Variants in ATP6V0D2 observed in about 807,000 individuals in gnomAD.
ATP6V0D2 encodes the protein ATPase H+ transporting V0 subunit d2.
Under a neutral mutation model 40.0 loss-of-function variants are expected in ATP6V0D2, and 40 were observed. The observed-to-expected ratio is 1.00, with a 90% CI of 0.78 to 1.30. ATP6V0D2 has a LOEUF of 1.30. Ranked by LOEUF, ATP6V0D2 falls within the 50% of genes most tolerant of loss-of-function variation. The pLI, the probability that ATP6V0D2 is intolerant of heterozygous loss-of-function variation, is 0.00. For missense variants in ATP6V0D2, 470 were observed against 423.1 expected (o/e 1.11, Z -0.97); for synonymous variants, 179 against 156.3 (o/e 1.15, Z -1.08).
intron 1 of ATP6V0D2, among the ~76,000 whole-genome samples, chr8:86,108,267 G>A (rs572803970): frequency 6.6e-6 from 1 of 152,190 alleles, no homozygotes; most frequent in East Asian, 1.9e-4. Flanking sequence ...TCAGCTTCCT[G>A]AGTATGGGGA....
chr8:86,135,615 A>G (rs1818886130), intron 2 of ATP6V0D2, among the ~76,000 whole-genome samples: 1 of 152,192 alleles, frequency 6.6e-6, no homozygotes, highest in Non-Finnish European at 1.5e-5. Context: ...AAAAACTTCA[A>G]AAAGAATCAG....
chr8:86,139,649 G>A lies in ATP6V0D2; in HGVS notation c.481+14G>A, dbSNP rs377537235. 477 of 1,545,000 alleles carry A rather than the reference G, an allele frequency of 3.1e-4. 1 individual carries two copies. The Middle Eastern group carries it at 6.6e-3, about 21-fold the overall frequency. Reference sequence around the variant, plus strand: ...AAACGCCATTAGGTAGGAACACTTAGGTAATTTTGTAGCTGCTTGTGTATG... The same window carrying A: ...AAACGCCATTAGGTAGGAACACTTAAGTAATTTTGTAGCTGCTTGTGTATG... On this transcript the variant is annotated intron_variant, in intron 3 of 7. Coordinates refer to ENST00000285393, the MANE Select transcript of ATP6V0D2 (RefSeq NM_152565.1).
intron 1 of ATP6V0D2, among the ~76,000 whole-genome samples, chr8:86,106,450 A>G (rs1332975260): frequency 6.6e-6 from 1 of 152,202 alleles, no homozygotes; most frequent in African/African-American, 2.4e-5. Context: ...TCATCTTTAG[A>G]TGGTATCTCC....
intron 2 of ATP6V0D2, among the ~76,000 whole-genome samples, chr8:86,120,047 A>T (rs1818648801): frequency 2.0e-5 from 3 of 152,236 alleles, no homozygotes; most frequent in Admixed American, 2.0e-4. Flanking sequence ...ACTGGATGTC[A>T]TGCCTGCAGA....
chr8:86,150,438 C>A, intron 6 of ATP6V0D2, 150 bp downstream of exon 6: 1 of 814,854 alleles, frequency 1.2e-6, no homozygotes, highest in Non-Finnish European at 1.9e-6. Context: ...AGCAATCTCT[C>A]CCTAAGAAAC....
rs761165984 is a variant in ATP6V0D2 at position 86,139,645 on chromosome 8, C to T, written c.481+10C>T. On this transcript the variant is annotated intron_variant, in intron 3 of 7. Transcript: ENST00000285393. ...ATCGAAACGCCATTAGGTAGGAACA[C>T]TTAGGTAATTTTGTAGCTGCTTGTG... The T allele has an allele frequency of 6.4e-7, 1 of 1,551,320 alleles. No homozygotes were observed. Among genetic ancestry groups the T allele is most frequent in the South Asian group, 1.2e-5 (1 of 82,082 alleles).
chr8:86,127,505 C>T (rs975817), intron 2 of ATP6V0D2, among the ~76,000 whole-genome samples: 66,341 of 151,188 alleles, frequency 0.44, 16,075 homozygotes, highest in Middle Eastern at 0.58. Context: ...ACCCAGGCTG[C>T]AGTGCAGTGG....
chr8:86,144,778 C>T (rs571915950), intron 5 of ATP6V0D2, among the ~76,000 whole-genome samples: 5 of 152,142 alleles, frequency 3.3e-5, no homozygotes, highest in South Asian at 2.1e-4. Context: ...ATGATCCTCC[C>T]ACCTCAGCCT....
chr8:86,138,045 C>T (rs1289517780), intron 2 of ATP6V0D2, among the ~76,000 whole-genome samples: 2 of 152,140 alleles, frequency 1.3e-5, no homozygotes, highest in Non-Finnish European at 2.9e-5. Flanking sequence ...CCTCCGTTGC[C>T]CTTAACATTC....
intron 5 of ATP6V0D2, among the ~76,000 whole-genome samples, chr8:86,145,061 G>A (rs1819028660): frequency 6.6e-6 from 1 of 151,280 alleles, no homozygotes; most frequent in Admixed American, 6.6e-5. Flanking sequence ...TTCTTGTGAG[G>A]CTGAGGCACA....
intron 2 of ATP6V0D2, among the ~76,000 whole-genome samples, chr8:86,137,633 C>T (rs952129620): frequency 6.6e-6 from 1 of 152,124 alleles, no homozygotes; most frequent in Admixed American, 6.5e-5. Flanking sequence ...ACATCTGCAC[C>T]CATTGCAACC....
chr8:86,142,260 T>C lies in ATP6V0D2; in HGVS notation c.562-617T>C, dbSNP rs565563731. ...GCCTAGAGGAGGCATCCTTGAGATA[T>C]AACTAACAGAAGGCACCGTTCTAAG... On this transcript the variant is annotated intron_variant, in intron 4 of 7. Coordinates refer to ENST00000285393, the MANE Select transcript of ATP6V0D2 (RefSeq NM_152565.1). Among the ~76,000 whole-genome samples, 4 of 152,316 alleles carry C rather than the reference T, an allele frequency of 2.6e-5. No homozygotes were observed. The South Asian group carries it at 6.2e-4, about 24-fold the overall frequency.
At chr8:86,105,835 C>G (rs933522754) in intron 1 of ATP6V0D2, among the ~76,000 whole-genome samples, 1 of 151,706 alleles carries the variant, frequency 6.6e-6, no homozygotes, top group Non-Finnish European at 1.5e-5. Flanking sequence ...TGGATAGTCT[C>G]GATCTCCTGA....
chr8:86,114,015 T>G (rs1389809878), intron 2 of ATP6V0D2, 135 bp downstream of exon 2: 3 of 778,508 alleles, frequency 3.9e-6, no homozygotes, highest in Non-Finnish European at 5.6e-6. Flanking sequence ...TTCATTCACA[T>G]TTTAGCAACT....
chr8:86,123,946 T>C (rs1563559836), intron 2 of ATP6V0D2, among the ~76,000 whole-genome samples: 1 of 152,194 alleles, frequency 6.6e-6, no homozygotes, highest in Non-Finnish European at 1.5e-5. Flanking sequence ...GTCATGAACA[T>C]AGATATGTTG....
At chr8:86,108,668 C>T (rs546737425) in intron 1 of ATP6V0D2, among the ~76,000 whole-genome samples, 73 of 152,200 alleles carry the variant, frequency 4.8e-4, no homozygotes, top group South Asian at 2.1e-3. Context: ...CTCCTGGGCT[C>T]AGCAACCCTC....
At chr8:86,140,388 C>T (rs1403949122) in intron 3 of ATP6V0D2, among the ~76,000 whole-genome samples, 3 of 152,024 alleles carry the variant, frequency 2.0e-5, no homozygotes, top group Non-Finnish European at 4.4e-5. Flanking sequence ...ATAGGCTGAT[C>T]GAGAGAGGTT....
intron 1 of ATP6V0D2, among the ~76,000 whole-genome samples, chr8:86,107,663 T>C (rs1336877748): frequency 1.3e-5 from 2 of 152,202 alleles, no homozygotes; most frequent in Admixed American, 6.5e-5. Flanking sequence ...ATTTTTAGGA[T>C]CATTACAGTA....
intron 7 of ATP6V0D2, among the ~76,000 whole-genome samples, chr8:86,151,880 A>C (rs894583985): frequency 2.0e-5 from 3 of 151,088 alleles, no homozygotes; most frequent in Non-Finnish European, 2.9e-5. Flanking sequence ...TACAAATTTT[A>C]GTGTAAAATT....
Sources: allele counts gnomAD v4.1 joint callset (sites outside exome capture counted in the v4.1 genomes callset), GRCh38; gene constraint gnomAD v4.1.1; transcripts MANE v1.5; gene names NCBI Gene and HGNC (gene_info 2026-07-23, HGNC 2026-07-21).